The following VDAC1 variants were observed in gnomAD, a reference collection of about 807,000 sequenced individuals.
The protein encoded by VDAC1 is voltage dependent anion channel 1, also known as non-selective voltage-gated ion channel VDAC1.
Under a neutral mutation model 34.7 loss-of-function variants are expected in VDAC1, and 10 were observed. The observed-to-expected ratio is 0.29, with a 90% CI of 0.18 to 0.49. The LOEUF (loss-of-function observed/expected upper bound fraction) is 0.49, where lower values mean the gene tolerates loss of function less well. Among genes scored for constraint, VDAC1 ranks in the 20% least tolerant of loss-of-function variants. The pLI is 0.99. For missense variants in VDAC1, 230 were observed against 347.9 expected, an observed-to-expected ratio of 0.66 and a Z score of 2.69; for synonymous variants, 130 against 136.0, an observed-to-expected ratio of 0.96 and a Z score of 0.30.
At chr5:134,104,223 G>A in the VDAC1 span, among the ~76,000 whole-genome samples, 2 of 151,812 alleles carry the variant, frequency 1.3e-5, no homozygotes, top group South Asian at 4.2e-4. Context: ...CCCCATGAAA[G>A]CCCTTCCCCT....
chr5:134,107,307 C>T, the VDAC1 span, among the ~76,000 whole-genome samples: 1 of 152,260 alleles, frequency 6.6e-6, no homozygotes, highest in African/African-American at 2.4e-5. Flanking sequence ...TGCTCATACA[C>T]CTCTGGTGAC....
the VDAC1 span, among the ~76,000 whole-genome samples, chr5:134,068,271 G>A: frequency 6.6e-6 from 1 of 151,708 alleles, no homozygotes; most frequent in Non-Finnish European, 1.5e-5. Context: ...CAAGGATTAT[G>A]AGATTTACCC....
At chr5:134,101,375 A>G in the VDAC1 span, among the ~76,000 whole-genome samples, 1 of 152,156 alleles carries the variant, frequency 6.6e-6, no homozygotes, top group Non-Finnish European at 1.5e-5. Flanking sequence ...AGATCACCCG[A>G]GGTCAGTAGT....
the VDAC1 span, among the ~76,000 whole-genome samples, chr5:134,039,533 G>T: frequency 9.9e-5 from 15 of 152,088 alleles, 1 homozygote; most frequent in South Asian, 2.5e-3. Context: ...GTTTCACCGT[G>T]TTAGCCAGGA....
chr5:133,993,458 C>A (rs1414733782), intron 1 of VDAC1, among the ~76,000 whole-genome samples: 4 of 152,164 alleles, frequency 2.6e-5, no homozygotes, highest in African/African-American at 9.7e-5. Context: ...GAAATCAGAG[C>A]TTTTCATGGG....
chr5:134,061,673 C>A, the VDAC1 span, among the ~76,000 whole-genome samples: 1 of 151,594 alleles, frequency 6.6e-6, no homozygotes, highest in African/African-American at 2.4e-5. Flanking sequence ...GCACACAGCC[C>A]CTGAATTTTT....
At chr5:134,104,061 C>T in the VDAC1 span, among the ~76,000 whole-genome samples, 207 of 152,260 alleles carry the variant, frequency 1.4e-3, 1 homozygote, top group African/African-American at 4.8e-3. Flanking sequence ...GCCTGGGTCC[C>T]GAAATCCACC....
intron 6 of VDAC1, among the ~76,000 whole-genome samples, chr5:133,978,703 G>A (rs1267304989): frequency 6.6e-6 from 1 of 152,160 alleles, no homozygotes; most frequent in Non-Finnish European, 1.5e-5. Flanking sequence ...CTGCCTTCCT[G>A]TACAGAGCTT....
chr5:134,022,304 T>A, the VDAC1 span, among the ~76,000 whole-genome samples: 3 of 152,252 alleles, frequency 2.0e-5, no homozygotes, highest in African/African-American at 7.2e-5. Flanking sequence ...ATGTCTTCAT[T>A]CATTTTGTCC....
chr5:133,993,569 G>A (rs537181007), intron 1 of VDAC1, among the ~76,000 whole-genome samples: 15 of 152,270 alleles, frequency 9.9e-5, no homozygotes, highest in African/African-American at 3.1e-4. Context: ...AAAACTTTTG[G>A]ACTTTATGGG....
chr5:134,000,552 A>G (rs1753508006), intron 1 of VDAC1, among the ~76,000 whole-genome samples: 1 of 152,112 alleles, frequency 6.6e-6, no homozygotes, highest in Non-Finnish European at 1.5e-5. Flanking sequence ...GCTTGGCTTG[A>G]CCAGGTAGGG....
At chr5:133,994,995 T>C (rs1753243255) in intron 1 of VDAC1, among the ~76,000 whole-genome samples, 1 of 152,168 alleles carries the variant, frequency 6.6e-6, no homozygotes, top group East Asian at 1.9e-4. Context: ...ACATCTGGAC[T>C]GGTCCCCGCT....
the VDAC1 span, among the ~76,000 whole-genome samples, chr5:134,083,432 C>T: frequency 8.5e-5 from 13 of 152,130 alleles, no homozygotes; most frequent in Admixed American, 2.6e-4. Flanking sequence ...TCAAGTGATT[C>T]GCCAGCCTTG....
the VDAC1 span, among the ~76,000 whole-genome samples, chr5:134,054,828 G>A: frequency 6.6e-5 from 10 of 152,216 alleles, no homozygotes; most frequent in Non-Finnish European, 1.0e-4. Flanking sequence ...TTAACCTGAC[G>A]AACCACTTAC....
chr5:133,981,551 C>T (rs898006279), intron 5 of VDAC1, among the ~76,000 whole-genome samples: 1 of 152,200 alleles, frequency 6.6e-6, no homozygotes, highest in African/African-American at 2.4e-5. Context: ...ACCTGGAACT[C>T]TGCAGTCATG....
the VDAC1 span, among the ~76,000 whole-genome samples, chr5:134,106,414 C>A: frequency 1.4e-5 from 2 of 146,584 alleles, no homozygotes; most frequent in Middle Eastern, 3.5e-3. Context: ...TTGTCATCCT[C>A]TTTTTTTTTT....
the VDAC1 span, among the ~76,000 whole-genome samples, chr5:134,029,572 G>A: frequency 1.3e-5 from 2 of 152,198 alleles, no homozygotes; most frequent in African/African-American, 4.8e-5. Context: ...CTAGGCAAAC[G>A]TGGCTATTGA....
the VDAC1 span, among the ~76,000 whole-genome samples, chr5:134,042,172 A>G: frequency 1.3e-5 from 2 of 152,180 alleles, no homozygotes; most frequent in Admixed American, 6.5e-5. Flanking sequence ...CTGACCAGGC[A>G]CTGATGGCCT....
the VDAC1 span, among the ~76,000 whole-genome samples, chr5:134,031,950 C>CA: frequency 0.18 from 12,515 of 68,522 alleles, 966 homozygotes; most frequent in East Asian, 0.39. Flanking sequence ...GACCCCATCT[C>CA]AAAAAAAAAA....
Sources: gnomAD v4.1 joint callset for allele counts (sites outside exome capture counted in the v4.1 genomes callset) on GRCh38, gnomAD v4.1.1 for gene constraint, MANE v1.5 for transcripts, NCBI Gene and HGNC (gene_info 2026-07-23, HGNC 2026-07-21) for gene names.